KIAA1217: variants seen among roughly 807,000 people sequenced by gnomAD.
KIAA1217 encodes sickle tail protein homolog.
A neutral mutation model predicts 163.9 loss-of-function variants in KIAA1217; 88 were observed. The observed-to-expected ratio is 0.54, with a 90% confidence interval of 0.45 to 0.64. KIAA1217 has a LOEUF of 0.64. Among genes scored for constraint, KIAA1217 ranks in the 30% least tolerant of loss-of-function variants. The pLI is 0.00. For synonymous variants in KIAA1217, 903 were observed against 923.1 expected (o/e 0.98, Z 0.39); for missense variants, 2,372 against 2,475.0 (o/e 0.96, Z 0.88).
At chr10:24,424,013 T>A (rs1009871505) in intron 3 of KIAA1217, among the ~76,000 whole-genome samples, 22 of 152,178 alleles carry the variant, frequency 1.4e-4, no homozygotes, top group African/African-American at 5.1e-4. Context: ...AGCAAAAATT[T>A]GGTATTTACC....
intron 1 of KIAA1217, among the ~76,000 whole-genome samples, chr10:23,934,577 A>ATATATATATG (rs1843414424): frequency 1.0e-4 from 6 of 57,914 alleles, no homozygotes; most frequent in African/African-American, 1.8e-4. Context: ...ATATATATAT[A>ATATATATATG]TATATATATA....
At chr10:23,810,074 T>C (rs1836923816) in intron 1 of KIAA1217, among the ~76,000 whole-genome samples, 1 of 151,968 alleles carries the variant, frequency 6.6e-6, no homozygotes, top group Non-Finnish European at 1.5e-5. Flanking sequence ...TTCTGAGCAC[T>C]TTTAAGTTAG....
chr10:24,424,643 C>T (rs1050183159), intron 3 of KIAA1217, among the ~76,000 whole-genome samples: 3 of 152,148 alleles, frequency 2.0e-5, no homozygotes, highest in Non-Finnish European at 2.9e-5. Context: ...CTCACTCTGT[C>T]GCCAGGCTGG....
intron 9 of KIAA1217, among the ~76,000 whole-genome samples, chr10:24,503,153 A>G (rs1376389449): frequency 1.3e-5 from 2 of 152,172 alleles, no homozygotes; most frequent in East Asian, 3.9e-4. Flanking sequence ...CTAAGAAAAC[A>G]ATTTCCCCTT....
chr10:24,054,422 A>C (rs1473870852), intron 2 of KIAA1217, among the ~76,000 whole-genome samples: 3 of 152,190 alleles, frequency 2.0e-5, no homozygotes, highest in Non-Finnish European at 4.4e-5. Flanking sequence ...AATGTGGCCC[A>C]TCTCTGAGGA....
At chr10:23,949,064 C>G (rs1343636423) in intron 1 of KIAA1217, among the ~76,000 whole-genome samples, 1 of 152,068 alleles carries the variant, frequency 6.6e-6, no homozygotes, top group Non-Finnish European at 1.5e-5. Flanking sequence ...AAAAGGAAAG[C>G]GAGAGAGAAC....
intron 1 of KIAA1217, among the ~76,000 whole-genome samples, chr10:23,827,232 A>C (rs994788238): frequency 1.3e-5 from 2 of 152,194 alleles, no homozygotes; most frequent in Non-Finnish European, 2.9e-5. Context: ...GAGTGAAGGC[A>C]TCAGTGTTTT....
intron 2 of KIAA1217, among the ~76,000 whole-genome samples, chr10:24,142,590 C>T (rs921695250): frequency 6.6e-6 from 1 of 152,040 alleles, no homozygotes; most frequent in Admixed American, 6.5e-5. Flanking sequence ...TACTTACACC[C>T]CTTGAATCTA....
intron 5 of KIAA1217, chr10:24,466,817 G>T (rs1273127984): frequency 5.1e-6 from 5 of 982,318 alleles, no homozygotes; most frequent in Admixed American, 6.2e-5. Flanking sequence ...CTTTGAGGGT[G>T]AAAGAGTGTC....
chr10:24,258,981 A>G (rs1381095136), intron 2 of KIAA1217, among the ~76,000 whole-genome samples: 3 of 152,070 alleles, frequency 2.0e-5, no homozygotes, highest in Admixed American at 6.5e-5. Flanking sequence ...TTTGTCCCTC[A>G]AAGCCCAGGG....
At chr10:23,837,067 T>C (rs1344673578) in intron 1 of KIAA1217, among the ~76,000 whole-genome samples, 1 of 152,230 alleles carries the variant, frequency 6.6e-6, no homozygotes, top group Non-Finnish European at 1.5e-5. Flanking sequence ...TATGTTCATG[T>C]ATGCACATTA....
At chr10:24,487,355 C>CA (rs2065539750) in intron 6 of KIAA1217, among the ~76,000 whole-genome samples, 1 of 152,238 alleles carries the variant, frequency 6.6e-6, no homozygotes, top group Non-Finnish European at 1.5e-5. Context: ...AAGGCATCAG[C>CA]ATCACTGACT....
intron 2 of KIAA1217, among the ~76,000 whole-genome samples, chr10:24,304,972 G>A (rs1407789426): frequency 6.6e-6 from 1 of 152,108 alleles, no homozygotes; most frequent in Non-Finnish European, 1.5e-5. Context: ...TGATGGGATT[G>A]CATTTTTTGA....
At chr10:24,146,271 A>G (rs2064307040) in intron 2 of KIAA1217, among the ~76,000 whole-genome samples, 1 of 152,210 alleles carries the variant, frequency 6.6e-6, no homozygotes, top group Admixed American at 6.5e-5. Context: ...TGGTCACCTG[A>G]AGAAACTTCA....
At chr10:23,848,370 G>T (rs1402683417) in intron 1 of KIAA1217, among the ~76,000 whole-genome samples, 3 of 151,832 alleles carry the variant, frequency 2.0e-5, no homozygotes, top group African/African-American at 7.3e-5. Context: ...TAGTCTGTAA[G>T]AATTTGTATT....
intron 2 of KIAA1217, among the ~76,000 whole-genome samples, chr10:24,379,935 C>G (rs1050110839): frequency 6.6e-6 from 1 of 152,088 alleles, no homozygotes; most frequent in African/African-American, 2.4e-5. Context: ...GCCTGTAATC[C>G]CAGCTACTTG....
At chr10:24,094,713 G>C (rs1020674046) in intron 2 of KIAA1217, among the ~76,000 whole-genome samples, 1 of 152,182 alleles carries the variant, frequency 6.6e-6, no homozygotes, top group East Asian at 1.9e-4. Flanking sequence ...GCAGTCTGCC[G>C]GTTCTCAGAT....
chr10:23,899,727 A>G (rs1053825119), intron 1 of KIAA1217, among the ~76,000 whole-genome samples: 1 of 152,078 alleles, frequency 6.6e-6, no homozygotes, highest in African/African-American at 2.4e-5. Flanking sequence ...AGCTCAGAGG[A>G]CCACAGTCTA....
rs568789787 is a variant in KIAA1217 at position 24,496,787 on chromosome 10, T to C, written c.1834+1591T>C. Among the ~76,000 whole-genome samples, 39 of 152,346 alleles carry C rather than the reference T, an allele frequency of 2.6e-4. 3 individuals are homozygous for C. The South Asian group carries it at 5.0e-3, about 19-fold the overall frequency. On this transcript the variant is annotated intron_variant, in intron 8 of 20. Coordinates refer to ENST00000376454, the MANE Select transcript of KIAA1217 (RefSeq NM_019590.5). ...AGATGCCTCAGTCCCTTTAAAGATA[T>C]ATAGGTTGTTTCATTTCTTTGTTCT...
Sources: gnomAD v4.1 joint callset for allele counts (sites outside exome capture counted in the v4.1 genomes callset) on GRCh38, gnomAD v4.1.1 for gene constraint, MANE v1.5 for transcripts, NCBI Gene and HGNC (gene_info 2026-07-23, HGNC 2026-07-21) for gene names.